The following B3GALT1 variants were observed in gnomAD, a reference collection of about 807,000 sequenced individuals.
B3GALT1 encodes the protein UDP-Gal:betaGlcNAc beta 1,3-galactosyltransferase, polypeptide 1.
A neutral mutation model predicts 23.2 loss-of-function variants in B3GALT1; 10 were observed. That is an observed-to-expected ratio of 0.43 (90% confidence interval 0.27 to 0.73). The LOEUF (loss-of-function observed/expected upper bound fraction) is 0.73, where lower values mean the gene tolerates loss of function less well. Ranked by LOEUF, B3GALT1 falls within the 30% of genes least tolerant of loss-of-function variation. B3GALT1 has a pLI of 0.21. For missense variants in B3GALT1, 299 were observed against 405.4 expected, an observed-to-expected ratio of 0.74 and a Z score of 2.25; for synonymous variants, 156 against 141.5, an observed-to-expected ratio of 1.10 and a Z score of -0.73.
At chr2:167,735,899 G>C (rs1687484530) in intron 3 of B3GALT1, among the ~76,000 whole-genome samples, 1 of 152,202 alleles carries the variant, frequency 6.6e-6, no homozygotes, top group Non-Finnish European at 1.5e-5. Context: ...TGAAGAAGGA[G>C]AAGGAAGAGG....
chr2:167,436,216 C>T (rs1698784708), intron 1 of B3GALT1, among the ~76,000 whole-genome samples: 1 of 152,144 alleles, frequency 6.6e-6, no homozygotes, highest in South Asian at 2.1e-4. Context: ...CAATCTGGCT[C>T]TTGATGACAC....
chr2:167,779,330 G>A (rs1688210789), intron 3 of B3GALT1, among the ~76,000 whole-genome samples: 1 of 152,132 alleles, frequency 6.6e-6, no homozygotes, highest in South Asian at 2.1e-4. Flanking sequence ...TTAATGATCT[G>A]CATGATTAGA....
chr2:167,497,950 T>G (rs1699801579), intron 2 of B3GALT1, among the ~76,000 whole-genome samples: 1 of 152,052 alleles, frequency 6.6e-6, no homozygotes, highest in Admixed American at 6.6e-5. Context: ...TGTTAAATAT[T>G]AACAATGTTT....
At chr2:167,782,334 G>A (rs1201555288) in intron 3 of B3GALT1, among the ~76,000 whole-genome samples, 1 of 152,156 alleles carries the variant, frequency 6.6e-6, no homozygotes, top group Admixed American at 6.5e-5. Flanking sequence ...GGGTGGGTGT[G>A]CAGGGTTGAG....
chr2:167,835,778 A>C (rs942149316), intron 4 of B3GALT1, among the ~76,000 whole-genome samples: 4 of 150,880 alleles, frequency 2.7e-5, no homozygotes, highest in African/African-American at 9.8e-5. Flanking sequence ...AGGCACCCCC[A>C]AGTAGGGGCA....
chr2:167,841,997 T>C (rs143542156), intron 4 of B3GALT1, among the ~76,000 whole-genome samples: 1 of 152,370 alleles, frequency 6.6e-6, no homozygotes, highest in Non-Finnish European at 1.5e-5. Context: ...TTTATTAGAA[T>C]GCGGTTTAGC....
intron 1 of B3GALT1, among the ~76,000 whole-genome samples, chr2:167,340,426 TTAG>T (rs1404949738): frequency 1.3e-5 from 2 of 151,546 alleles, no homozygotes; most frequent in African/African-American, 4.9e-5. Flanking sequence ...CCTGAAGACA[TTAG>T]TCAAAATCTG....
At chr2:167,668,919 C>T (rs575657312) in intron 3 of B3GALT1, among the ~76,000 whole-genome samples, 2 of 152,316 alleles carry the variant, frequency 1.3e-5, no homozygotes, top group South Asian at 2.1e-4. Flanking sequence ...CTGCGTCGCT[C>T]ACGCTGGGAG....
intron 3 of B3GALT1, among the ~76,000 whole-genome samples, chr2:167,736,491 A>T (rs551094985): frequency 1.3e-5 from 2 of 152,314 alleles, no homozygotes; most frequent in Admixed American, 1.3e-4. Flanking sequence ...AGCTCAGCAT[A>T]TCCAGTAACT....
chr2:167,414,541 A>G (rs1698438890), intron 1 of B3GALT1, among the ~76,000 whole-genome samples: 1 of 152,174 alleles, frequency 6.6e-6, no homozygotes, highest in African/African-American at 2.4e-5. Flanking sequence ...TCCACAATAA[A>G]TTAACAGTGC....
chr2:167,342,784 A>T (rs1295205067), intron 1 of B3GALT1, among the ~76,000 whole-genome samples: 2 of 152,098 alleles, frequency 1.3e-5, no homozygotes, highest in Non-Finnish European at 2.9e-5. Flanking sequence ...ATGTATTCTA[A>T]ACATACAGGC....
chr2:167,493,655 G>A (rs772108373), intron 2 of B3GALT1, among the ~76,000 whole-genome samples: 4 of 152,192 alleles, frequency 2.6e-5, no homozygotes, highest in Admixed American at 6.5e-5. Context: ...TATAAAAGAC[G>A]GACTCCAGTG....
chr2:167,732,081 A>T (rs1269512847), intron 3 of B3GALT1, among the ~76,000 whole-genome samples: 2 of 152,202 alleles, frequency 1.3e-5, no homozygotes, highest in South Asian at 2.1e-4. Flanking sequence ...ATGGCCAAGA[A>T]GAAGTACTCT....
At chr2:167,607,346 G>A (rs561720901) in intron 2 of B3GALT1, among the ~76,000 whole-genome samples, 71 of 152,282 alleles carry the variant, frequency 4.7e-4, no homozygotes, top group African/African-American at 1.7e-3. Flanking sequence ...TCTCTCCTGG[G>A]TCTTTTGTTT....
At chr2:167,506,644 G>A (rs956898798) in intron 2 of B3GALT1, among the ~76,000 whole-genome samples, 7 of 152,184 alleles carry the variant, frequency 4.6e-5, no homozygotes, top group African/African-American at 1.7e-4. Flanking sequence ...ATAAGACTTA[G>A]AATTTACAAG....
chr2:167,725,124 C>G (rs893627410), intron 3 of B3GALT1, among the ~76,000 whole-genome samples: 1 of 152,290 alleles, frequency 6.6e-6, no homozygotes. Flanking sequence ...ACAGCTCGCT[C>G]CTGTATTCTG....
chr2:167,330,766 T>G (rs953753330), intron 1 of B3GALT1, among the ~76,000 whole-genome samples: 8 of 152,388 alleles, frequency 5.2e-5, no homozygotes, highest in South Asian at 2.1e-4. Context: ...ATATTGTTTT[T>G]GGAATTCTCT....
At chr2:167,583,223 T>A (rs1684519702) in intron 2 of B3GALT1, among the ~76,000 whole-genome samples, 1 of 152,194 alleles carries the variant, frequency 6.6e-6, no homozygotes, top group Non-Finnish European at 1.5e-5. Flanking sequence ...TCCTTTCTTT[T>A]CCTTTTGTCC....
chr2:167,418,593 C>T (rs189129918), intron 1 of B3GALT1, among the ~76,000 whole-genome samples: 1 of 152,220 alleles, frequency 6.6e-6, no homozygotes, highest in African/African-American at 2.4e-5. Flanking sequence ...AGTGGTTCCT[C>T]AACCTTTTCT....
Sources: allele counts gnomAD v4.1 joint callset (sites outside exome capture counted in the v4.1 genomes callset), GRCh38; gene constraint gnomAD v4.1.1; transcripts MANE v1.5; gene names NCBI Gene and HGNC (gene_info 2026-07-23, HGNC 2026-07-21).